The following FBXO32 variants were observed in gnomAD, a reference collection of about 807,000 sequenced individuals.
FBXO32 encodes F-box only protein 32.
A neutral mutation model predicts 48.3 loss-of-function variants in FBXO32; 15 were observed. That is an observed-to-expected ratio of 0.31 (90% CI 0.21 to 0.48). The LOEUF (loss-of-function observed/expected upper bound fraction) is 0.48, where lower values mean the gene tolerates loss of function less well. Among genes scored for constraint, FBXO32 ranks in the 20% least tolerant of loss-of-function variants. The probability of loss-of-function intolerance (pLI) is 0.99; values close to 1 mark genes in which losing one functional copy is unlikely to be tolerated. For missense variants in FBXO32, 309 were observed against 432.7 expected, an observed-to-expected ratio of 0.71 and a Z score of 2.54; for synonymous variants, 154 against 165.9, an observed-to-expected ratio of 0.93 and a Z score of 0.55.
At position 123,513,441 on chromosome 8, in the gene FBXO32, C is replaced by T. The variant is rs1816776906; in HGVS notation, c.467-59G>A. 2 of 1,393,658 alleles carry T rather than the reference C, an allele frequency of 1.4e-6. No homozygotes were observed. The highest frequency in any genetic ancestry group is 1.4e-5 in the African/African-American group (1 of 70,026). 86.3% of individuals were successfully genotyped at this position (1,393,658 alleles called of 1,614,324 possible). Reference sequence around the variant, plus strand: ...TGATACTGGAACACCCTGTATTTTACACATGAGCTTGTCTCTGTCTGTATT... The same window carrying T: ...TGATACTGGAACACCCTGTATTTTATACATGAGCTTGTCTCTGTCTGTATT... On this transcript the variant is annotated intron_variant, in intron 5 of 8. Coordinates refer to ENST00000517956, the MANE Select transcript of FBXO32 (RefSeq NM_058229.4). This position sits in a 1 kb window ranked among gnomAD's most constrained non-coding sequence, Gnocchi z 4.3.
intron 3 of FBXO32, among the ~76,000 whole-genome samples, chr8:123,532,587 C>T (rs369430442): frequency 6.6e-6 from 1 of 152,136 alleles, no homozygotes; most frequent in South Asian, 2.1e-4. Flanking sequence ...CAGTGACCCC[C>T]CTCTGGACCT....
chr8:123,526,286 C>T (rs567510832), intron 4 of FBXO32, among the ~76,000 whole-genome samples: 22 of 151,920 alleles, frequency 1.4e-4, no homozygotes, highest in Non-Finnish European at 2.8e-4. Flanking sequence ...AGTGCAGTGG[C>T]GCGATCTTGG....
intron 7 of FBXO32, among the ~76,000 whole-genome samples, chr8:123,505,986 T>A (rs1207598325): frequency 6.7e-6 from 1 of 150,340 alleles, no homozygotes; most frequent in Admixed American, 6.6e-5. Flanking sequence ...GCTTTGGGGG[T>A]GCCGAGGCAG....
intron 1 of FBXO32, among the ~76,000 whole-genome samples, chr8:123,539,451 C>T (rs1465398471): frequency 6.6e-6 from 1 of 152,064 alleles, no homozygotes; most frequent in African/African-American, 2.4e-5. Context: ...CTTACTTTCC[C>T]GTAAATAAAT....
intron 4 of FBXO32, among the ~76,000 whole-genome samples, chr8:123,531,168 G>T (rs558008591): frequency 6.6e-6 from 1 of 151,734 alleles, no homozygotes; most frequent in African/African-American, 2.4e-5. Flanking sequence ...TTTTAGTAGA[G>T]ACAGGATTTC....
intron 2 of FBXO32, 28 bp downstream of exon 2, chr8:123,534,674 T>TGAAG: frequency 1.3e-6 from 2 of 1,499,416 alleles, no homozygotes; most frequent in Non-Finnish European, 1.9e-6. Flanking sequence ...AAACAGCTTT[T>TGAAG]TTCTGAAGTT....
intron 4 of FBXO32, chr8:123,527,181 T>C (rs889979299): frequency 6.6e-6 from 1 of 152,228 alleles, no homozygotes; most frequent in African/African-American, 2.4e-5. Context: ...AGAAGTTTGC[T>C]GACCCCTGCT....
In FBXO32 at chr8:123,534,613, A is replaced by G. The variant is rs764671825; in HGVS notation, c.229+89T>C. 13 of 752,586 alleles carry G rather than the reference A, an allele frequency of 1.7e-5. No homozygotes were observed. The African/African-American group carries it at 1.9e-4, about 11-fold the overall frequency. The allele number at this position is 752,586 out of a possible 1,614,324, so 46.6% of individuals were successfully genotyped here. On this transcript the variant is annotated intron_variant, in intron 2 of 8. Coordinates refer to ENST00000517956, the MANE Select transcript of FBXO32 (RefSeq NM_058229.4). The stretch of plus-strand genomic sequence containing the variant: ...AGTAAAACACTGAGGCAGATGTGTG[A>G]CATGGGAGGTGTTATTTTTTTTCAT...
chr8:123,514,175 T>C (rs542477069), intron 5 of FBXO32, 65 bp downstream of exon 5: 9 of 1,205,852 alleles, frequency 7.5e-6, no homozygotes, highest in Non-Finnish European at 1.1e-5. Context: ...GTCCACTTCA[T>C]TGGAAAATCC....
rs10096950 is a variant in FBXO32 at position 123,506,853 on chromosome 8, C to T, written c.652-279G>A. On this transcript the variant is annotated intron_variant, in intron 6 of 8. Coordinates refer to ENST00000517956, the MANE Select transcript of FBXO32 (RefSeq NM_058229.4). This position sits in a 1 kb window ranked among gnomAD's most constrained non-coding sequence, Gnocchi z 4.0. The stretch of plus-strand genomic sequence containing the variant: ...TCACTCTTAAAGACTCTCCAAATAG[C>T]GCATGTGCTTTACTCAGTTCACACA... Among the ~76,000 whole-genome samples the T allele has an allele frequency of 3.2e-3, 494 of 152,314 alleles. 5 individuals are homozygous for T. The highest frequency in any genetic ancestry group is 0.011 in the African/African-American group (444 of 41,558).
At chr8:123,533,141 C>G (rs1172628508) in intron 3 of FBXO32, 50 bp downstream of exon 3, 1 of 1,425,132 alleles carries the variant, frequency 7.0e-7, no homozygotes, top group South Asian at 1.2e-5. Context: ...CCTGCGCTAT[C>G]AGGAAGGGAT....
At chr8:123,524,282 C>G (rs1425021672) in intron 4 of FBXO32, among the ~76,000 whole-genome samples, 2 of 152,154 alleles carry the variant, frequency 1.3e-5, no homozygotes, top group Non-Finnish European at 2.9e-5. Context: ...GAGTGTCCCC[C>G]ACTTCCGTGG....
intron 7 of FBXO32, among the ~76,000 whole-genome samples, chr8:123,505,603 GTGTGCACC>G (rs1431937878): frequency 6.6e-6 from 1 of 152,182 alleles, no homozygotes; most frequent in Non-Finnish European, 1.5e-5. Context: ...AGGCATGGCG[GTGTGCACC>G]TGTAATCCCA....
intron 4 of FBXO32, among the ~76,000 whole-genome samples, chr8:123,523,396 C>T (rs1167893097): frequency 6.6e-6 from 1 of 152,190 alleles, no homozygotes. Context: ...TAGAGACCAT[C>T]CTGGCCAATA....
chr8:123,540,494 C>T lies in FBXO32; in HGVS notation c.116+405G>A, dbSNP rs1196408601. ...GGGCGCTGGGAGCCGGGCCACCCCGCGGTGAAGGGGCTCAGCCCACCCGCC... is the reference window on the plus strand; with the variant it reads ...GGGCGCTGGGAGCCGGGCCACCCCGTGGTGAAGGGGCTCAGCCCACCCGCC... On this transcript the variant is annotated intron_variant, in intron 1 of 8. Coordinates refer to ENST00000517956, the MANE Select transcript of FBXO32 (RefSeq NM_058229.4). The surrounding 1 kb of genome is among the most constrained non-coding windows in gnomAD (Gnocchi z 6.4). 6.6e-6 allele frequency among the ~76,000 whole-genome samples: 1 copy of T among 152,248 alleles called. No individual in the cohort carries two copies. The highest frequency in any genetic ancestry group is 1.5e-5 in the Non-Finnish European group (1 of 68,044).
Position 123,525,942 on chromosome 8 carries a change from G to A in FBXO32, c.372+5956C>T, listed in dbSNP as rs62521278. 0.011 allele frequency among the ~76,000 whole-genome samples: 1,633 copies of A among 151,684 alleles called. 15 individuals are homozygous for A. The highest frequency in any genetic ancestry group is 0.017 in the Non-Finnish European group (1,138 of 67,928). On this transcript the variant is annotated intron_variant, in intron 4 of 8. Transcript: ENST00000517956. The surrounding 1 kb of genome is among the most constrained non-coding windows in gnomAD (Gnocchi z 4.3). ...TGCTGTTTCTTGTTTTTTTTCCAGT[G>A]GCTTCCTCCTGCGTACTAGATAATA...
In FBXO32 at chr8:123,531,954, T is replaced by A; in HGVS notation, c.316A>T (p.Arg106Ter). ...GYCTLGEAFN[R>*]LDFSTAILDS... ...AGAATGGCAGTTGAGAAGTCCAGTC[T>A]GTTGAAAGCTTCCCCCAGGGTGCAA... is the stretch of plus-strand genomic sequence containing the variant. Residue 106 changes from arginine to a stop codon, truncating the protein, a stop_gained, in exon 4 of 9, where the codon AGA (arginine) becomes TGA (stop). Coordinates refer to ENST00000517956, the MANE Select transcript of FBXO32 (RefSeq NM_058229.4). LOFTEE classifies it high-confidence loss of function. 1 of 1,614,184 alleles carries A rather than the reference T, an allele frequency of 6.2e-7. No individual in the cohort carries two copies. The highest frequency in any genetic ancestry group is 8.5e-7 in the Non-Finnish European group (1 of 1,180,022).
intron 4 of FBXO32, 31 bp from the exon 5 acceptor site, chr8:123,514,364 A>G (rs779235432): frequency 1.3e-6 from 2 of 1,566,904 alleles, no homozygotes; most frequent in Non-Finnish European, 1.7e-6. Context: ...TGCCAGGCTT[A>G]GAGTACAGAG....
At position 123,506,392 on chromosome 8, in the gene FBXO32, C is replaced by T. The variant is rs1323698279; in HGVS notation, c.834G>A (p.Gln278=). Residue 278 remains glutamine, a splice_region_variant and synonymous_variant, in exon 7 of 9, where the codon CAG becomes CAA. Coordinates refer to ENST00000517956, the MANE Select transcript of FBXO32 (RefSeq NM_058229.4). The surrounding 1 kb of genome is among the most constrained non-coding windows in gnomAD (Gnocchi z 4.0). ...GGAAAGCCCACTGGGCCTTGCTGAC[C>T]TGCCGCTCGGAGAAGTGGTACTGGC... ...KLCQYHFSER[Q]IRKRLILSDK... 1.9e-6 allele frequency: 3 copies of T among 1,613,216 alleles called. No individual in the cohort carries two copies. Among genetic ancestry groups the T allele is most frequent in the Non-Finnish European group, 1.7e-6 (2 of 1,179,896 alleles).
Sources: gnomAD v4.1 joint callset for allele counts (sites outside exome capture counted in the v4.1 genomes callset) on GRCh38, gnomAD v4.1.1 for gene constraint, Gnocchi (gnomAD v3.1) non-coding constraint, MANE v1.5 for transcripts, NCBI Gene and HGNC (gene_info 2026-07-23, HGNC 2026-07-21) for gene names.